GLIS3: variants seen among roughly 807,000 people sequenced by gnomAD.
GLIS3 encodes zinc finger protein GLIS3.
In GLIS3, 53 loss-of-function variants were observed where a neutral mutation model predicts 78.6. The observed-to-expected ratio is 0.67, with a 90% CI of 0.54 to 0.85. The LOEUF is 0.85. GLIS3 is among the 40% of genes least tolerant of loss of function. The probability of loss-of-function intolerance (pLI) is 0.00; values close to 1 mark genes in which losing one functional copy is unlikely to be tolerated. For synonymous variants in GLIS3, 684 were observed against 509.9 expected (o/e 1.34, Z -4.60); for missense variants, 1,703 against 1,231.1 (o/e 1.38, Z -5.74).
intron 2 of GLIS3, among the ~76,000 whole-genome samples, chr9:4,156,515 AG>A (rs1236761967): frequency 6.6e-6 from 1 of 152,208 alleles, no homozygotes; most frequent in Non-Finnish European, 1.5e-5. Flanking sequence ...GATCATCTAG[AG>A]GTAAGTAGGG....
the GLIS3 span, among the ~76,000 whole-genome samples, chr9:4,453,361 A>AAG: frequency 2.0e-4 from 29 of 144,292 alleles, no homozygotes; most frequent in Admixed American, 6.1e-4. Context: ...AAAAAAAAAA[A>AAG]AAAGAAAAAA....
At chr9:3,849,710 C>T (rs1272564879) in intron 9 of GLIS3, among the ~76,000 whole-genome samples, 1 of 152,084 alleles carries the variant, frequency 6.6e-6, no homozygotes, top group Non-Finnish European at 1.5e-5. Context: ...AAGTTCAAGA[C>T]CAGTCTGGCC....
intron 2 of GLIS3, among the ~76,000 whole-genome samples, chr9:4,158,419 G>C (rs1586834964): frequency 1.3e-5 from 2 of 152,282 alleles, no homozygotes; most frequent in East Asian, 3.9e-4. Context: ...CCACGATGAA[G>C]TGGGTCAGGC....
intron 2 of GLIS3, among the ~76,000 whole-genome samples, chr9:4,315,476 A>T (rs1363765486): frequency 6.6e-6 from 1 of 152,218 alleles, no homozygotes; most frequent in Non-Finnish European, 1.5e-5. Flanking sequence ...TTTTTAAATA[A>T]AATGAACCTC....
At chr9:4,456,580 A>T in the GLIS3 span, among the ~76,000 whole-genome samples, 1 of 152,130 alleles carries the variant, frequency 6.6e-6, no homozygotes, top group Admixed American at 6.5e-5. Context: ...TACATTCACA[A>T]CTGTTTGGTG....
chr9:4,345,923 A>G (rs551496237), intron 2 of GLIS3, among the ~76,000 whole-genome samples: 2 of 152,246 alleles, frequency 1.3e-5, no homozygotes, highest in Non-Finnish European at 1.5e-5. Context: ...TTTGATAAAA[A>G]TGAAATTAAA....
In GLIS3 at chr9:4,118,021, G is replaced by A. The variant is rs202218708; in HGVS notation, c.1457C>T (p.Thr486Ile). 3.7e-6 allele frequency: 6 copies of A among 1,603,888 alleles called. No individual in the cohort carries two copies. The highest frequency in any genetic ancestry group is 2.2e-5 in the East Asian group (1 of 44,708). Residue 486 changes from threonine (T) to isoleucine (I), a missense_variant, in exon 4 of 11, where the codon ACC becomes ATC. Transcript: ENST00000381971. The surrounding 1 kb of genome is among the most constrained non-coding windows in gnomAD (Gnocchi z 4.7). Reference sequence around the variant, plus strand: ...GTCCATCTCCCCGTCGTCGTCCAGGGTGGCCTGGGGCAAGGCCAGCTGCTG... The same window carrying A: ...GTCCATCTCCCCGTCGTCGTCCAGGATGGCCTGGGGCAAGGCCAGCTGCTG... The part of the protein sequence containing the change: ...HAQQLALPQA[T>I]LDDDGEMDGI...
chr9:4,122,062 G>C (rs1458230832), intron 3 of GLIS3, among the ~76,000 whole-genome samples: 1 of 152,172 alleles, frequency 6.6e-6, no homozygotes, highest in Non-Finnish European at 1.5e-5. Flanking sequence ...AAGGAAAGGA[G>C]ATATATCTTG....
At chr9:4,206,698 G>T (rs1819912616) in intron 2 of GLIS3, among the ~76,000 whole-genome samples, 1 of 152,188 alleles carries the variant, frequency 6.6e-6, no homozygotes, top group African/African-American at 2.4e-5. Flanking sequence ...TAAATGAAAT[G>T]ATATACTGGT....
chr9:4,311,219 G>A (rs891236063), intron 2 of GLIS3, among the ~76,000 whole-genome samples: 1 of 152,066 alleles, frequency 6.6e-6, no homozygotes, highest in Non-Finnish European at 1.5e-5. Context: ...GACCAGCCTG[G>A]CCAACATGGC....
chr9:3,894,665 C>CA (rs1221227711), intron 7 of GLIS3, among the ~76,000 whole-genome samples: 4 of 151,312 alleles, frequency 2.6e-5, no homozygotes, highest in African/African-American at 9.7e-5. Flanking sequence ...AATCCTGCTC[C>CA]AAAAAAAGTA....
At chr9:4,142,328 G>T (rs764062308) in intron 2 of GLIS3, among the ~76,000 whole-genome samples, 2 of 152,148 alleles carry the variant, frequency 1.3e-5, no homozygotes, top group Non-Finnish European at 2.9e-5. Context: ...AATATACAAA[G>T]TCTTAGAAGA....
the GLIS3 span, among the ~76,000 whole-genome samples, chr9:4,477,328 T>C: frequency 1.5e-5 from 2 of 129,408 alleles, no homozygotes; most frequent in African/African-American, 3.0e-5. Flanking sequence ...CAAATATTCA[T>C]AGATACAGAA....
chr9:3,991,852 G>A (rs961148584), intron 4 of GLIS3, among the ~76,000 whole-genome samples: 2 of 151,794 alleles, frequency 1.3e-5, no homozygotes, highest in African/African-American at 2.4e-5. Flanking sequence ...AACCATGCCT[G>A]GCTAATTTTT....
intron 2 of GLIS3, among the ~76,000 whole-genome samples, chr9:4,174,455 T>C (rs998456860): frequency 1.3e-5 from 2 of 152,178 alleles, no homozygotes; most frequent in African/African-American, 4.8e-5. Flanking sequence ...AATAATTAAG[T>C]CATAAAATAC....
intron 2 of GLIS3, among the ~76,000 whole-genome samples, chr9:4,240,324 G>A (rs773140170): frequency 1.3e-5 from 2 of 152,130 alleles, no homozygotes; most frequent in Admixed American, 6.5e-5. Context: ...GCGCTCTTAT[G>A]AGAATCTAAC....
chr9:4,439,807 C>A, the GLIS3 span, among the ~76,000 whole-genome samples: 1 of 152,210 alleles, frequency 6.6e-6, no homozygotes, highest in South Asian at 2.1e-4. Flanking sequence ...GCCTCTCAAA[C>A]AGCTGGGATT....
At chr9:4,454,599 G>C in the GLIS3 span, among the ~76,000 whole-genome samples, 1 of 152,130 alleles carries the variant, frequency 6.6e-6, no homozygotes, top group Non-Finnish European at 1.5e-5. Context: ...GTGGACACCT[G>C]TTATTTCACC....
rs191408362 is a variant in GLIS3, at chr9:3,904,051, C to G, written c.1984-5216G>C. On this transcript the variant is annotated intron_variant, in intron 6 of 10. Transcript: ENST00000381971. ...CTTACAGGGGCTCCACCATAAATATCCACAGTCTCATAGGCACTTTGTCTC... is the reference window on the plus strand; with the variant it reads ...CTTACAGGGGCTCCACCATAAATATGCACAGTCTCATAGGCACTTTGTCTC... Among the ~76,000 whole-genome samples, 834 of 152,256 alleles carry G rather than the reference C, an allele frequency of 5.5e-3. 13 individuals are homozygous for G. Among genetic ancestry groups the G allele is most frequent in the Admixed American group, 0.016 (239 of 15,288 alleles).
Sources: allele counts gnomAD v4.1 joint callset (sites outside exome capture counted in the v4.1 genomes callset), GRCh38; gene constraint gnomAD v4.1.1; non-coding constraint Gnocchi (gnomAD v3.1); transcripts MANE v1.5; gene names NCBI Gene and HGNC (gene_info 2026-07-23, HGNC 2026-07-21).